The following ASTN2 variants were observed in gnomAD, a reference collection of about 807,000 sequenced individuals.
ASTN2 encodes astrotactin 2, also known as astrotactin-2.
In ASTN2, 54 loss-of-function variants were observed where a neutral mutation model predicts 139.8. The ratio of observed to expected loss-of-function variants is 0.39; its 90% confidence interval spans 0.31 to 0.48. ASTN2 has a LOEUF of 0.48. Ranked by LOEUF, ASTN2 falls within the 20% of genes least tolerant of loss-of-function variation. The pLI, the probability that ASTN2 is intolerant of heterozygous loss-of-function variation, is 0.95. For synonymous variants in ASTN2, 756 were observed against 719.5 expected (o/e 1.05, Z -0.81); for missense variants, 1,565 against 1,725.1 (o/e 0.91, Z 1.64).
At chr9:117,347,596 C>G (rs1829260856) in intron 1 of ASTN2, among the ~76,000 whole-genome samples, 1 of 152,146 alleles carries the variant, frequency 6.6e-6, no homozygotes, top group African/African-American at 2.4e-5. Context: ...TAGTGCAATT[C>G]TCTCTTGTAA....
chr9:116,851,287 C>T (rs1466015897), intron 11 of ASTN2, among the ~76,000 whole-genome samples: 4 of 151,980 alleles, frequency 2.6e-5, no homozygotes, highest in Non-Finnish European at 5.9e-5. Context: ...GAAGGGAGGA[C>T]AGGGTTACAA....
chr9:116,628,109 T>C (rs1487725227), intron 17 of ASTN2, among the ~76,000 whole-genome samples: 1 of 152,220 alleles, frequency 6.6e-6, no homozygotes, highest in Non-Finnish European at 1.5e-5. Context: ...CACCCACCTT[T>C]AGCAGATATT....
At chr9:116,443,679 G>A (rs1288159380) in intron 20 of ASTN2, among the ~76,000 whole-genome samples, 1 of 152,140 alleles carries the variant, frequency 6.6e-6, no homozygotes, top group African/African-American at 2.4e-5. Flanking sequence ...TGACTTTCTA[G>A]ATGATGTGAG....
At chr9:116,819,625 T>C (rs1238842540) in intron 12 of ASTN2, among the ~76,000 whole-genome samples, 1 of 152,228 alleles carries the variant, frequency 6.6e-6, no homozygotes, top group African/African-American at 2.4e-5. Context: ...CTGAAAATGT[T>C]GTTACATGTC....
At chr9:117,258,131 G>C (rs1833735517) in intron 2 of ASTN2, among the ~76,000 whole-genome samples, 1 of 152,114 alleles carries the variant, frequency 6.6e-6, no homozygotes, top group Non-Finnish European at 1.5e-5. Flanking sequence ...TGCTGACTTA[G>C]AGTGTCTCAT....
chr9:116,822,693 A>G (rs1263525650), intron 11 of ASTN2, among the ~76,000 whole-genome samples: 2 of 152,214 alleles, frequency 1.3e-5, no homozygotes. Flanking sequence ...TCCAGGTTTT[A>G]TCTAAGCGCT....
intron 5 of ASTN2, among the ~76,000 whole-genome samples, chr9:117,072,970 A>G (rs894870575): frequency 2.0e-5 from 3 of 152,206 alleles, no homozygotes; most frequent in Non-Finnish European, 4.4e-5. Flanking sequence ...AAGAAGGAAT[A>G]GAGATGAAGA....
rs1038034311 is a variant in ASTN2, at chr9:116,653,816, C to T, written c.2807-2023G>A. The stretch of plus-strand genomic sequence containing the variant: ...CTCAGGCCTGGAATCTGGCCTCCAC[C>T]TTTTCTGTCTGGCTGTCAGCAAATG... On this transcript the variant is annotated intron_variant, in intron 16 of 22. Transcript: ENST00000313400. Among the ~76,000 whole-genome samples, 5 of 152,358 alleles carry T rather than the reference C, an allele frequency of 3.3e-5. No individual in the cohort carries two copies. The East Asian group carries it at 9.6e-4, about 29-fold the overall frequency.
At chr9:117,271,839 C>G (rs1408838849) in intron 2 of ASTN2, among the ~76,000 whole-genome samples, 1 of 152,218 alleles carries the variant, frequency 6.6e-6, no homozygotes, top group East Asian at 1.9e-4. Context: ...CAGCTCCACC[C>G]CTGTGGCTTT....
Position 116,925,870 on chromosome 9 carries a change from ACAC to A in ASTN2, c.1889+49335_1889+49337del, listed in dbSNP as rs1564343703. ...AGGAGATACACAACACAACACACAC[ACAC>A]ACACACACACACACACATATATACA... On this transcript the variant is annotated intron_variant, in intron 10 of 22. Transcript: ENST00000313400. Among the ~76,000 whole-genome samples the A allele has an allele frequency of 3.7e-3, 562 of 151,934 alleles. 4 individuals are homozygous for A. In the Middle Eastern group the frequency reaches 0.068, roughly 18 times the overall value.
At chr9:116,785,172 C>T (rs980009905) in intron 13 of ASTN2, among the ~76,000 whole-genome samples, 3 of 152,120 alleles carry the variant, frequency 2.0e-5, no homozygotes, top group African/African-American at 7.2e-5. Context: ...AAGCTGCTGC[C>T]TGGGTCTCTT....
In ASTN2 at chr9:117,215,472, T is replaced by TATATATATATAATATATATATA. The variant is rs148908328; in HGVS notation, c.631-731_631-730insTATATATATATTATATATATAT. Among the ~76,000 whole-genome samples the TATATATATATAATATATATATA allele has an allele frequency of 4.1e-5, 6 of 145,072 alleles. No individual in the cohort carries two copies. The East Asian group carries it at 1.2e-3, about 29-fold the overall frequency. On this transcript the variant is annotated intron_variant, in intron 2 of 22. Transcript: ENST00000313400. ...ATAAGAATTTCAAGGTCAACTGATA[T>TATATATATATAATATATATATA]ATATATATATAATGTGTATATATAT...
At chr9:117,335,316 T>C (rs956863149) in intron 1 of ASTN2, among the ~76,000 whole-genome samples, 8 of 152,188 alleles carry the variant, frequency 5.3e-5, no homozygotes, top group Admixed American at 6.5e-5. Flanking sequence ...AGAAATGATA[T>C]CTCCAAATTG....
intron 10 of ASTN2, among the ~76,000 whole-genome samples, chr9:116,893,157 T>A (rs905375800): frequency 2.9e-5 from 3 of 101,818 alleles, no homozygotes; most frequent in Non-Finnish European, 6.3e-5. Context: ...ACTAAAGGTG[T>A]ATCACACACA....
At chr9:116,693,482 G>A (rs1324810729) in intron 16 of ASTN2, among the ~76,000 whole-genome samples, 1 of 152,210 alleles carries the variant, frequency 6.6e-6, no homozygotes, top group East Asian at 1.9e-4. Context: ...AGCCAGAGTA[G>A]ACACAGCTTA....
chr9:116,915,958 A>G (rs1171564774), intron 10 of ASTN2, among the ~76,000 whole-genome samples: 1 of 152,156 alleles, frequency 6.6e-6, no homozygotes, highest in Admixed American at 6.6e-5. Flanking sequence ...CTGTGAGGAT[A>G]CTTGTGTCAG....
At chr9:116,986,890 T>A (rs562642438) in intron 7 of ASTN2, among the ~76,000 whole-genome samples, 1 of 152,320 alleles carries the variant, frequency 6.6e-6, no homozygotes, top group South Asian at 2.1e-4. Context: ...GGCCACAGTG[T>A]GCTTGGAAAA....
chr9:116,609,326 C>A (rs55721606), intron 19 of ASTN2, among the ~76,000 whole-genome samples: 68,276 of 110,636 alleles, frequency 0.62, 19,282 homozygotes, highest in Middle Eastern at 0.68. Flanking sequence ...CTCTCTCTCT[C>A]TCTATATATA....
intron 17 of ASTN2, among the ~76,000 whole-genome samples, chr9:116,623,449 A>G (rs1255973622): frequency 1.3e-5 from 2 of 152,088 alleles, no homozygotes; most frequent in South Asian, 2.1e-4. Context: ...GGGAGTCCTC[A>G]TAAGGCTGCA....
Sources: allele counts gnomAD v4.1 joint callset (sites outside exome capture counted in the v4.1 genomes callset), GRCh38; gene constraint gnomAD v4.1.1; transcripts MANE v1.5; gene names NCBI Gene and HGNC (gene_info 2026-07-23, HGNC 2026-07-21).